The following SLC35F1 variants were observed in gnomAD, a reference collection of about 807,000 sequenced individuals.
SLC35F1 encodes the protein chromosome 6 open reading frame 169.
SLC35F1 carries 14 observed loss-of-function variants against 48.7 expected under a neutral mutation model. The ratio of observed to expected loss-of-function variants is 0.29; its 90% CI spans 0.19 to 0.45. The LOEUF is 0.45. Among genes scored for constraint, SLC35F1 ranks in the 20% least tolerant of loss-of-function variants. SLC35F1 has a pLI of 1.00. For missense variants in SLC35F1, 404 were observed against 500.0 expected, an observed-to-expected ratio of 0.81 and a Z score of 1.83; for synonymous variants, 190 against 202.2, an observed-to-expected ratio of 0.94 and a Z score of 0.51.
intron 1 of SLC35F1, among the ~76,000 whole-genome samples, chr6:117,968,468 A>T (rs1452032101): frequency 6.6e-6 from 1 of 152,202 alleles, no homozygotes; most frequent in East Asian, 1.9e-4. Flanking sequence ...AAATAAATCG[A>T]AGAGAGGTAA....
intron 1 of SLC35F1, among the ~76,000 whole-genome samples, chr6:118,035,404 C>A (rs1367747778): frequency 6.6e-6 from 1 of 150,894 alleles, no homozygotes; most frequent in Non-Finnish European, 1.5e-5. Context: ...GTCAGGAGTT[C>A]AACACCAGCC....
chr6:118,088,244 C>G (rs972767632), intron 1 of SLC35F1, among the ~76,000 whole-genome samples: 9 of 152,088 alleles, frequency 5.9e-5, no homozygotes, highest in African/African-American at 2.2e-4. Context: ...GTGAAGTATC[C>G]TTTTATACAT....
chr6:117,975,903 G>T (rs1240493512), intron 1 of SLC35F1, among the ~76,000 whole-genome samples: 1 of 152,070 alleles, frequency 6.6e-6, no homozygotes, highest in African/African-American at 2.4e-5. Flanking sequence ...TTTTACATGT[G>T]AGCACAGTAC....
At position 118,275,354 on chromosome 6, in the gene SLC35F1, T is replaced by G. The variant is rs1775907194; in HGVS notation, c.638-105T>G. On this transcript the variant is annotated intron_variant, in intron 4 of 7. Transcript: ENST00000360388. ...GGAAATTGCATGACTTCTATAAAAA[T>G]GTCAAAATAGAATAGGCAAGGGAAG... 4.7e-5 allele frequency: 57 copies of G among 1,204,150 alleles called. No homozygotes were observed. In the South Asian group the frequency reaches 8.9e-4, roughly 19 times the overall value. The allele number at this position is 1,204,150 out of a possible 1,614,324, so 74.6% of individuals were successfully genotyped here. A position where few individuals can be genotyped will look rare whatever the true frequency, so the allele number is the denominator to read the frequency against.
intron 1 of SLC35F1, among the ~76,000 whole-genome samples, chr6:118,060,375 G>T (rs936672190): frequency 6.6e-6 from 1 of 152,016 alleles, no homozygotes; most frequent in Non-Finnish European, 1.5e-5. Flanking sequence ...CCTAGCGAAT[G>T]TAAATTTGAG....
At chr6:118,152,706 C>G (rs1156394502) in intron 1 of SLC35F1, among the ~76,000 whole-genome samples, 2 of 151,712 alleles carry the variant, frequency 1.3e-5, no homozygotes, top group Non-Finnish European at 3.0e-5. Flanking sequence ...ATCCCCTCCC[C>G]CACATTCTGT....
intron 3 of SLC35F1, among the ~76,000 whole-genome samples, chr6:118,265,432 C>T (rs1465078537): frequency 2.6e-5 from 4 of 152,170 alleles, no homozygotes; most frequent in African/African-American, 9.7e-5. Context: ...AGAAGTACAG[C>T]ATTCAACAAA....
At chr6:117,950,800 A>G (rs1776354671) in intron 1 of SLC35F1, among the ~76,000 whole-genome samples, 1 of 152,238 alleles carries the variant, frequency 6.6e-6, no homozygotes, top group Non-Finnish European at 1.5e-5. Flanking sequence ...GAAAATGTGC[A>G]GTGTTGGAAT....
intron 1 of SLC35F1, among the ~76,000 whole-genome samples, chr6:118,072,540 G>A (rs1054773575): frequency 6.6e-6 from 1 of 151,938 alleles, no homozygotes; most frequent in Non-Finnish European, 1.5e-5. Flanking sequence ...CTCCAGCCTG[G>A]GCGACAGAGT....
chr6:118,134,945 T>C (rs1345907787), intron 1 of SLC35F1, among the ~76,000 whole-genome samples: 1 of 152,194 alleles, frequency 6.6e-6, no homozygotes, highest in Non-Finnish European at 1.5e-5. Flanking sequence ...TCCTTTTTTG[T>C]CAAAGTGAGG....
At chr6:117,983,492 A>T (rs1439449429) in intron 1 of SLC35F1, among the ~76,000 whole-genome samples, 1 of 152,060 alleles carries the variant, frequency 6.6e-6, no homozygotes, top group Non-Finnish European at 1.5e-5. Flanking sequence ...CAGGAGAATC[A>T]CTTGAACCCA....
intron 1 of SLC35F1, among the ~76,000 whole-genome samples, chr6:118,047,046 G>T (rs1337780410): frequency 1.3e-5 from 2 of 152,074 alleles, no homozygotes. Flanking sequence ...ATAAATCCAA[G>T]AAGAGACATA....
At chr6:117,948,718 T>C (rs1013180612) in intron 1 of SLC35F1, among the ~76,000 whole-genome samples, 2 of 152,148 alleles carry the variant, frequency 1.3e-5, no homozygotes, top group African/African-American at 4.8e-5. Context: ...TGAGCAATTA[T>C]AATATAGGCT....
At chr6:117,984,485 C>G (rs1856473) in intron 1 of SLC35F1, among the ~76,000 whole-genome samples, 57,500 of 142,166 alleles carry the variant, frequency 0.4, 11,813 homozygotes, top group South Asian at 0.53. Flanking sequence ...CAGAGCAAGA[C>G]TCGGTCTCAA....
chr6:118,198,769 A>T (rs1019042963), intron 2 of SLC35F1, among the ~76,000 whole-genome samples: 1 of 152,188 alleles, frequency 6.6e-6, no homozygotes, highest in African/African-American at 2.4e-5. Flanking sequence ...ACATATACAC[A>T]TTGTTAAGCA....
chr6:118,192,953 G>C (rs575670122), intron 2 of SLC35F1, among the ~76,000 whole-genome samples: 163 of 152,200 alleles, frequency 1.1e-3, no homozygotes, highest in African/African-American at 3.9e-3. Context: ...GTTGCCATAA[G>C]TCATTCATTT....
chr6:118,172,514 C>G (rs1486075622), intron 2 of SLC35F1, among the ~76,000 whole-genome samples: 1 of 151,994 alleles, frequency 6.6e-6, no homozygotes, highest in Non-Finnish European at 1.5e-5. Flanking sequence ...GCAGGAATCC[C>G]AAATCTGTGT....
chr6:117,983,087 G>A (rs908815474), intron 1 of SLC35F1, among the ~76,000 whole-genome samples: 8 of 151,980 alleles, frequency 5.3e-5, no homozygotes, highest in Non-Finnish European at 4.4e-5. Context: ...TCATTAAACT[G>A]GAGAGACCTA....
At position 118,302,226 on chromosome 6, in the gene SLC35F1, T is replaced by C. The variant is rs1201089232; in HGVS notation, c.1003-11802T>C. ...ATGAGTGGGTACCAATGCAAACCAG[T>C]AGCCCTGAGCTAAGATGTGTGAGAG... On this transcript the variant is annotated intron_variant, in intron 7 of 7. Transcript: ENST00000360388. Among the ~76,000 whole-genome samples the C allele has an allele frequency of 7.9e-5, 12 of 152,258 alleles. No individual in the cohort carries two copies. The South Asian group carries it at 2.5e-3, about 32-fold the overall frequency.
Sources: gnomAD v4.1 joint callset for allele counts (sites outside exome capture counted in the v4.1 genomes callset) on GRCh38, gnomAD v4.1.1 for gene constraint, MANE v1.5 for transcripts, NCBI Gene and HGNC (gene_info 2026-07-23, HGNC 2026-07-21) for gene names.